The following PLAGL1 variants were observed in gnomAD, a reference collection of about 807,000 sequenced individuals.
PLAGL1 encodes zinc finger protein PLAGL1.
A neutral mutation model predicts 4.6 loss-of-function variants in PLAGL1; 1 was observed. The observed-to-expected ratio is 0.22, with a 90% CI of 0.08 to 1.03. PLAGL1 has a LOEUF of 1.03. Ranked by LOEUF, PLAGL1 falls within the 50% of genes least tolerant of loss-of-function variation. PLAGL1 has a pLI of 0.58. For missense variants in PLAGL1, 464 were observed against 570.4 expected (o/e 0.81, Z 1.90); for synonymous variants, 240 against 237.8 (o/e 1.01, Z -0.08).
At chr6:144,042,367 G>C (rs1302714561) in intron 1 of PLAGL1, among the ~76,000 whole-genome samples, 1 of 152,144 alleles carries the variant, frequency 6.6e-6, no homozygotes, top group African/African-American at 2.4e-5. Flanking sequence ...GAAAGGAAGG[G>C]ATCCAGTTTC....
At position 143,942,927 on chromosome 6, in the gene PLAGL1, A is replaced by T. The variant is rs1489961373; in HGVS notation, c.153-264T>A. Among the ~76,000 whole-genome samples, 1 of 151,914 alleles carries T rather than the reference A, an allele frequency of 6.6e-6. No homozygotes were observed. Among genetic ancestry groups the T allele is most frequent in the African/African-American group, 2.4e-5 (1 of 41,356 alleles). On this transcript the variant is annotated intron_variant, in intron 7 of 7. Coordinates refer to ENST00000674357, the MANE Select transcript of PLAGL1 (RefSeq NM_001317162.2). The surrounding 1 kb of genome is among the most constrained non-coding windows in gnomAD (Gnocchi z 7.6). ...TTTGCCCAGGCTGGAGTGCAGTGGCACGATCATGGCTCACTGCAGCCTCAA... is the reference window on the plus strand; with the variant it reads ...TTTGCCCAGGCTGGAGTGCAGTGGCTCGATCATGGCTCACTGCAGCCTCAA...
intron 1 of PLAGL1, among the ~76,000 whole-genome samples, chr6:144,049,313 T>C (rs1025970685): frequency 3.3e-5 from 5 of 152,234 alleles, no homozygotes; most frequent in African/African-American, 1.2e-4. Flanking sequence ...CCTCTGCCTG[T>C]TACCCAGTTC....
At chr6:144,003,723 A>G (rs1473142163) in intron 1 of PLAGL1, among the ~76,000 whole-genome samples, 1 of 152,194 alleles carries the variant, frequency 6.6e-6, no homozygotes, top group African/African-American at 2.4e-5. Context: ...TATATTAGGA[A>G]CTAAAAATCA....
intron 1 of PLAGL1, among the ~76,000 whole-genome samples, chr6:144,029,425 T>A (rs1796630117): frequency 6.6e-6 from 1 of 152,178 alleles, no homozygotes; most frequent in Non-Finnish European, 1.5e-5. Context: ...ATTTCCTTAA[T>A]ATAGAGAAAG....
At position 143,984,406 on chromosome 6, in the gene PLAGL1, A is replaced by G. The variant is rs1788585634; in HGVS notation, c.-544+729T>C. On this transcript the variant is annotated intron_variant, in intron 2 of 7. Transcript: ENST00000674357. The surrounding 1 kb of genome is among the most constrained non-coding windows in gnomAD (Gnocchi z 5.5). ...GTTGGAAACAAACAAGTCTAATTTGATTTTAACTCAGCTTTTTTCCCAAAT... is the reference window on the plus strand; with the variant it reads ...GTTGGAAACAAACAAGTCTAATTTGGTTTTAACTCAGCTTTTTTCCCAAAT... 6.6e-6 allele frequency among the ~76,000 whole-genome samples: 1 copy of G among 152,172 alleles called. No individual in the cohort carries two copies. The highest frequency in any genetic ancestry group is 2.4e-5 in the African/African-American group (1 of 41,440).
chr6:144,051,702 T>C (rs1798596053), intron 1 of PLAGL1, among the ~76,000 whole-genome samples: 1 of 152,186 alleles, frequency 6.6e-6, no homozygotes, highest in East Asian at 1.9e-4. Flanking sequence ...CTCACAATCA[T>C]GGTAGAAAAC....
chr6:144,013,456 C>T lies in PLAGL1; in HGVS notation c.-150-44478G>A, dbSNP rs117149885. Among the ~76,000 whole-genome samples, 1,903 of 152,340 alleles carry T rather than the reference C, an allele frequency of 0.012. 26 individuals carry two copies. The highest frequency in any genetic ancestry group is 0.017 in the Non-Finnish European group (1,129 of 68,032). ...GACAACTAGGAATGGAATGGAACTT[C>T]CTTAGCCAGATAGTGGCTATATTTT... is the stretch of plus-strand genomic sequence containing the variant. On this transcript the variant is annotated intron_variant, in intron 1 of 3. Coordinates refer to the PLAGL1 transcript ENST00000437412. This position sits in a 1 kb window ranked among gnomAD's most constrained non-coding sequence, Gnocchi z 4.4.
In PLAGL1 at chr6:143,942,363, G is replaced by A; in HGVS notation, c.453C>T (p.Thr151=). Residue 151 remains threonine (T), a synonymous_variant, in exon 8 of 8, where the codon ACC becomes ACT. Transcript: ENST00000674357. This position sits in a 1 kb window ranked among gnomAD's most constrained non-coding sequence, Gnocchi z 7.6. ...AHAEEKPPSG[T]KEKKHQCDHC... The stretch of plus-strand genomic sequence containing the variant: ...GGTCGCACTGGTGCTTCTTTTCCTT[G>A]GTTCCGCTAGGGGGCTTCTCTTCCG... 1 of 1,614,112 alleles carries A rather than the reference G, an allele frequency of 6.2e-7. No individual in the cohort carries two copies. Among genetic ancestry groups the A allele is most frequent in the East Asian group, 2.2e-5 (1 of 44,874 alleles).
chr6:143,941,559 C>G lies in PLAGL1; in HGVS notation c.1257G>C (p.Gly419=), dbSNP rs772859501. Reference sequence around the variant, plus strand: ...CAAGTGGGGGTTCTTGCTGCTGCTGCCCCAGACAGCTTAACCTGTGGGGCA... The same window carrying G: ...CAAGTGGGGGTTCTTGCTGCTGCTGGCCCAGACAGCTTAACCTGTGGGGCA... ...ESLPHRLSCL[G]QQQQEPPLAM... Residue 419 remains glycine, a synonymous_variant, in exon 8 of 8, where the codon GGG becomes GGC. Transcript: ENST00000674357. This position sits in a 1 kb window ranked among gnomAD's most constrained non-coding sequence, Gnocchi z 6.0. The G allele has an allele frequency of 6.3e-7, 1 of 1,585,740 alleles. No individual in the cohort carries two copies. The highest frequency in any genetic ancestry group is 8.6e-7 in the Non-Finnish European group (1 of 1,164,966).
At chr6:144,009,173 C>A (rs569370350), upstream of PLAGL1, among the ~76,000 whole-genome samples, 14 of 152,320 alleles carry the variant, frequency 9.2e-5, no homozygotes, top group South Asian at 6.2e-4. Context: ...TAGGGGGTAA[C>A]CCTGCCTCTC....
Position 144,005,537 on chromosome 6 carries a change from CAT to C in PLAGL1, c.-584+2551_-584+2552del, listed in dbSNP as rs1793988727. ...TAAAATATATACATCTCAATATATA[CAT>C]GTCTCAGGTAAATTAAAGAACAAAA... On this transcript the variant is annotated intron_variant, in intron 1 of 7. Coordinates refer to ENST00000674357, the MANE Select transcript of PLAGL1 (RefSeq NM_001317162.2). The surrounding 1 kb of genome is among the most constrained non-coding windows in gnomAD (Gnocchi z 4.6). The C allele has an allele frequency of 6.6e-6, 1 of 152,040 alleles. No homozygotes were observed. Among genetic ancestry groups the C allele is most frequent in the Non-Finnish European group, 1.5e-5 (1 of 67,980 alleles). The allele number at this position is 152,040 out of a possible 1,614,324, so 9.4% of individuals were successfully genotyped here. A position where few individuals can be genotyped will look rare whatever the true frequency, so the allele number is the denominator to read the frequency against.
At chr6:144,043,159 C>G (rs984426892) in intron 1 of PLAGL1, among the ~76,000 whole-genome samples, 2 of 152,036 alleles carry the variant, frequency 1.3e-5, no homozygotes, top group South Asian at 2.1e-4. Context: ...AATTGAATAC[C>G]CTTTATTTCT....
In PLAGL1 at chr6:144,027,231, G is replaced by A. The variant is rs987566086; in HGVS notation, c.-151+37237C>T. On this transcript the variant is annotated intron_variant, in intron 1 of 3. Coordinates refer to the PLAGL1 transcript ENST00000437412. The surrounding 1 kb of genome is among the most constrained non-coding windows in gnomAD (Gnocchi z 5.8). ...AGAGAAAGACCCCAACTCAAAGAAC[G>A]AACGAAAGAAAGAAAGAAAGAAAGA... Among the ~76,000 whole-genome samples, 110 of 91,736 alleles carry A rather than the reference G, an allele frequency of 1.2e-3. 1 individual carries two copies. The highest frequency in any genetic ancestry group is 2.0e-3 in the Non-Finnish European group (96 of 48,306). The allele number at this position is 91,736 out of a possible 152,430, so 60.2% of individuals were successfully genotyped here. A position where few individuals can be genotyped will look rare whatever the true frequency, so the allele number is the denominator to read the frequency against.
chr6:144,058,027 G>C (rs1004907590), intron 1 of PLAGL1, among the ~76,000 whole-genome samples: 3 of 152,110 alleles, frequency 2.0e-5, no homozygotes, highest in African/African-American at 7.2e-5. Context: ...AATATCATTT[G>C]TGCTAGGCCA....
At chr6:143,999,311 A>G (rs1238922301) in intron 1 of PLAGL1, among the ~76,000 whole-genome samples, 1 of 152,190 alleles carries the variant, frequency 6.6e-6, no homozygotes, top group African/African-American at 2.4e-5. Context: ...GAGAGCAAAC[A>G]TAAGCCCCCA....
chr6:143,943,509 AGCCTCT>A (rs1779102949), intron 7 of PLAGL1, among the ~76,000 whole-genome samples: 1 of 151,820 alleles, frequency 6.6e-6, no homozygotes. Flanking sequence ...TTTCAGCCTC[AGCCTCT>A]GCCTGCCGTG....
At chr6:144,031,181 G>A (rs544882982) in intron 1 of PLAGL1, among the ~76,000 whole-genome samples, 3 of 152,118 alleles carry the variant, frequency 2.0e-5, no homozygotes, top group East Asian at 1.9e-4. Flanking sequence ...TCCTTAGCCC[G>A]CTTTTTGATG....
chr6:144,042,166 C>A (rs918923874), intron 1 of PLAGL1, among the ~76,000 whole-genome samples: 7 of 152,052 alleles, frequency 4.6e-5, no homozygotes, highest in Non-Finnish European at 8.8e-5. Flanking sequence ...CTGTGCAGAA[C>A]CTCTTTCGTT....
chr6:143,953,497 A>G lies in PLAGL1; in HGVS notation c.-324-5037T>C, dbSNP rs969998067. 2.0e-5 allele frequency among the ~76,000 whole-genome samples: 3 copies of G among 152,238 alleles called. No individual in the cohort carries two copies. The highest frequency in any genetic ancestry group is 3.8e-4 in the East Asian group (2 of 5,200). On this transcript the variant is annotated intron_variant, in intron 6 of 7. Transcript: ENST00000674357. The surrounding 1 kb of genome is among the most constrained non-coding windows in gnomAD (Gnocchi z 5.3). ...CCAGATGATTATGCTACAGCTTTGG[A>G]ACATCAAATCCACATCCTAGCCAGA...
Sources: gnomAD v4.1 joint callset for allele counts (sites outside exome capture counted in the v4.1 genomes callset) on GRCh38, gnomAD v4.1.1 for gene constraint, Gnocchi (gnomAD v3.1) non-coding constraint, MANE v1.5 for transcripts, NCBI Gene and HGNC (gene_info 2026-07-23, HGNC 2026-07-21) for gene names.